ENPP3: variants seen among roughly 807,000 people sequenced by gnomAD.
The protein encoded by ENPP3 is ectonucleotide pyrophosphatase/phosphodiesterase family member 3.
ENPP3 carries 104 observed loss-of-function variants against 117.8 expected under a neutral mutation model. That is an observed-to-expected ratio of 0.88 (90% CI 0.75 to 1.04). The LOEUF (loss-of-function observed/expected upper bound fraction) is 1.04, where lower values mean the gene tolerates loss of function less well. ENPP3 is among the 50% of genes least tolerant of loss of function. The probability of loss-of-function intolerance (pLI) is 0.00; values close to 1 mark genes in which losing one functional copy is unlikely to be tolerated. For synonymous variants in ENPP3, 380 were observed against 349.9 expected, an observed-to-expected ratio of 1.09 and a Z score of -0.96; for missense variants, 1,026 against 1,051.9, an observed-to-expected ratio of 0.98 and a Z score of 0.34.
chr6:131,684,894 C>T (rs1022302689), intron 12 of ENPP3, among the ~76,000 whole-genome samples: 3 of 152,130 alleles, frequency 2.0e-5, no homozygotes, highest in Middle Eastern at 3.4e-3. Context: ...AAATGATTCT[C>T]GTGCCTTAGC....
chr6:131,645,946 G>T (rs770515246), intron 2 of ENPP3, among the ~76,000 whole-genome samples: 6 of 152,032 alleles, frequency 3.9e-5, no homozygotes, highest in Non-Finnish European at 8.8e-5. Context: ...TTTATAATAT[G>T]ATTTCTTTCA....
At chr6:131,670,607 C>T (rs1778718976) in intron 6 of ENPP3, among the ~76,000 whole-genome samples, 1 of 152,170 alleles carries the variant, frequency 6.6e-6, no homozygotes, top group Non-Finnish European at 1.5e-5. Context: ...CCTCCCACCT[C>T]AGCCTCCCGA....
At chr6:131,679,871 C>T (rs545329086) in intron 11 of ENPP3, among the ~76,000 whole-genome samples, 15 of 152,244 alleles carry the variant, frequency 9.9e-5, no homozygotes, top group Non-Finnish European at 2.1e-4. Flanking sequence ...TTCTGCTGTG[C>T]CAGAGCTGTT....
At chr6:131,665,489 A>G (rs1778598305) in intron 6 of ENPP3, among the ~76,000 whole-genome samples, 1 of 152,084 alleles carries the variant, frequency 6.6e-6, no homozygotes, top group Non-Finnish European at 1.5e-5. Context: ...TGTTTCTATG[A>G]ATTTATCCAT....
At position 131,693,600 on chromosome 6, in the gene ENPP3, T is replaced by G. The variant is rs750825587; in HGVS notation, c.1388T>G (p.Val463Gly). Reference protein sequence around the residue: ...NVRIDKVHLFVDQQWLAVRSK... With the variant: ...NVRIDKVHLFGDQQWLAVRSK... The stretch of plus-strand genomic sequence containing the variant: ...AGAATCGACAAAGTTCATCTCTTTG[T>G]GGATCAACAGTGGCTGGCTGTTAGG... The change falls in exon 15 of 25, where the codon GTG (valine) becomes GGG (glycine). Residue 463 changes from valine (V) to glycine (G), a missense_variant. Transcript: ENST00000357639. 1.2e-6 allele frequency: 2 copies of G among 1,613,756 alleles called. No individual in the cohort carries two copies. Among genetic ancestry groups the G allele is most frequent in the Non-Finnish European group, 1.7e-6 (2 of 1,179,904 alleles).
intron 14 of ENPP3, among the ~76,000 whole-genome samples, chr6:131,689,862 T>C (rs577859677): frequency 9.9e-5 from 15 of 152,260 alleles, no homozygotes; most frequent in African/African-American, 2.9e-4. Flanking sequence ...TAATAGGAGT[T>C]TGGAAGAAGT....
At chr6:131,647,949 A>AG (rs1269784315) in intron 2 of ENPP3, among the ~76,000 whole-genome samples, 1 of 152,010 alleles carries the variant, frequency 6.6e-6, no homozygotes, top group Non-Finnish European at 1.5e-5. Context: ...TATAACAGCA[A>AG]CTTTGTATTT....
At chr6:131,710,495 G>A (rs1181200430) in intron 15 of ENPP3, 1 of 1,603,804 alleles carries the variant, frequency 6.2e-7, no homozygotes, top group Admixed American at 1.7e-5. Context: ...TCTAGAGACT[G>A]TATACTTTTT....
chr6:131,663,843 A>G (rs1778559735), intron 6 of ENPP3, among the ~76,000 whole-genome samples: 1 of 152,208 alleles, frequency 6.6e-6, no homozygotes, highest in South Asian at 2.1e-4. Flanking sequence ...TATGTACATT[A>G]CATCATACTT....
chr6:131,652,938 G>T lies in ENPP3; in HGVS notation c.464+47G>T, dbSNP rs759742483. On this transcript the variant is annotated intron_variant, in intron 5 of 24. Transcript: ENST00000357639. ...ATTTTTATCCTCCTTTAACAAAGGT[G>T]CACATAAGAATGTAGTTAGTTGAGA... The T allele has an allele frequency of 8.4e-6, 11 of 1,311,610 alleles. No individual in the cohort carries two copies. In the African/African-American group the frequency reaches 1.6e-4, roughly 19 times the overall value. 81.2% of individuals were successfully genotyped at this position (1,311,610 alleles called of 1,614,324 possible).
intron 6 of ENPP3, among the ~76,000 whole-genome samples, chr6:131,667,006 A>C (rs1258360759): frequency 6.6e-6 from 1 of 152,104 alleles, no homozygotes; most frequent in Admixed American, 6.5e-5. Flanking sequence ...AGTGAAACTT[A>C]TCTTGGAAGG....
chr6:131,692,985 A>C (rs1177539484), intron 14 of ENPP3, among the ~76,000 whole-genome samples: 2 of 97,144 alleles, frequency 2.1e-5, no homozygotes, highest in Non-Finnish European at 3.7e-5. Context: ...ATATTATACA[A>C]CTATATATGA....
chr6:131,651,190 G>T (rs2114312775), intron 3 of ENPP3, among the ~76,000 whole-genome samples: 1 of 151,712 alleles, frequency 6.6e-6, no homozygotes, highest in African/African-American at 2.4e-5. Context: ...AAAGTGCTGG[G>T]ATTACAGGTG....
chr6:131,732,189 T>G (rs1780295455), intron 20 of ENPP3, among the ~76,000 whole-genome samples: 2 of 152,182 alleles, frequency 1.3e-5, no homozygotes, highest in South Asian at 4.1e-4. Flanking sequence ...TCAAATTTTA[T>G]TAAGAAAGAT....
At chr6:131,726,709 TG>T (rs71756416) in intron 20 of ENPP3, among the ~76,000 whole-genome samples, 39,046 of 152,076 alleles carry the variant, frequency 0.26, 8,310 homozygotes, top group African/African-American at 0.57. Context: ...TAGACTTACA[TG>T]GGACAAATGC....
intron 3 of ENPP3, 89 bp downstream of exon 3, chr6:131,650,238 G>A (rs1778235309): frequency 2.1e-6 from 3 of 1,398,020 alleles, no homozygotes; most frequent in Admixed American, 3.5e-5. Context: ...CCTTTTTTTT[G>A]AGACAGAGTG....
intron 18 of ENPP3, among the ~76,000 whole-genome samples, chr6:131,723,831 A>T (rs57023100): frequency 0.066 from 5,569 of 84,996 alleles, 288 homozygotes; most frequent in African/African-American, 0.18. Flanking sequence ...TCTCTCTCAC[A>T]CACACACACA....
At chr6:131,740,570 T>C (rs1213901321) in intron 24 of ENPP3, among the ~76,000 whole-genome samples, 190 bp downstream of exon 24, 2 of 152,244 alleles carry the variant, frequency 1.3e-5, no homozygotes, top group Non-Finnish European at 2.9e-5. Flanking sequence ...AATTTAAACA[T>C]ATATCTGCAT....
At chr6:131,650,979 G>A (rs978972428) in intron 3 of ENPP3, among the ~76,000 whole-genome samples, 1 of 152,032 alleles carries the variant, frequency 6.6e-6, no homozygotes, top group African/African-American at 2.4e-5. Context: ...GATTGCAGTG[G>A]CACAATCTTG....
Sources: allele counts gnomAD v4.1 joint callset (sites outside exome capture counted in the v4.1 genomes callset), GRCh38; gene constraint gnomAD v4.1.1; transcripts MANE v1.5; gene names NCBI Gene and HGNC (gene_info 2026-07-23, HGNC 2026-07-21).